Variants in TRPS1 observed in about 807,000 individuals in gnomAD.
The protein encoded by TRPS1 is zinc finger transcription factor Trps1.
A neutral mutation model predicts 101.2 loss-of-function variants in TRPS1; 6 were observed. That is an observed-to-expected ratio of 0.06 (90% CI 0.03 to 0.12). The LOEUF is 0.12. Ranked by LOEUF, TRPS1 falls within the 10% of genes least tolerant of loss-of-function variation. TRPS1 has a pLI of 1.00. For synonymous variants in TRPS1, 578 were observed against 589.8 expected (o/e 0.98, Z 0.29); for missense variants, 1,363 against 1,567.0 (o/e 0.87, Z 2.20).
At chr8:115,436,411 G>A (rs936844027) in intron 5 of TRPS1, among the ~76,000 whole-genome samples, 1 of 152,114 alleles carries the variant, frequency 6.6e-6, no homozygotes. Flanking sequence ...ACTTTCTTGA[G>A]AGGTCAAACC....
chr8:115,463,165 T>C (rs1401901514), intron 5 of TRPS1, among the ~76,000 whole-genome samples: 1 of 152,182 alleles, frequency 6.6e-6, no homozygotes, highest in Non-Finnish European at 1.5e-5. Context: ...TAGGTTCACT[T>C]AGAAGTATTC....
In TRPS1 at chr8:115,499,968, C is replaced by CT. The variant is rs72124622; in HGVS notation, c.2701-81517dup. On this transcript the variant is annotated intron_variant, in intron 5 of 6. Transcript: ENST00000395715. Reference sequence around the variant, plus strand: ...CTTTCTTTCTTTCTTTCTTTCTTTTCTTTTCTTTTCTTTTCTTTTCTTTTC... The same window carrying CT: ...CTTTCTTTCTTTCTTTCTTTCTTTTCTTTTTCTTTTCTTTTCTTTTCTTTTC... Among the ~76,000 whole-genome samples the CT allele has an allele frequency of 4.6e-4, 44 of 95,950 alleles. 1 individual carries two copies. The highest frequency in any genetic ancestry group is 1.9e-3 in the African/African-American group (43 of 23,050). The allele number at this position is 95,950 out of a possible 152,430, so 62.9% of individuals were successfully genotyped here.
At chr8:115,623,194 T>C (rs1354011135) in intron 2 of TRPS1, among the ~76,000 whole-genome samples, 1 of 152,010 alleles carries the variant, frequency 6.6e-6, no homozygotes, top group Non-Finnish European at 1.5e-5. Context: ...CCCTTAATAA[T>C]ATACATTGCA....
Position 115,578,173 on chromosome 8 carries a change from T to C in TRPS1, c.2700+8828A>G, listed in dbSNP as rs995144768. Among the ~76,000 whole-genome samples the C allele has an allele frequency of 2.0e-5, 3 of 152,216 alleles. No homozygotes were observed. In the South Asian group the frequency reaches 6.2e-4, roughly 31 times the overall value. ...ACTGTATTCCATATATGTGATAAAA[T>C]TGCCACTTGCTTTTCTCCTAATTTT... On this transcript the variant is annotated intron_variant, in intron 5 of 6. Coordinates refer to ENST00000395715, the MANE Select transcript of TRPS1 (RefSeq NM_014112.5).
At chr8:115,473,961 A>C (rs1204704998) in intron 5 of TRPS1, among the ~76,000 whole-genome samples, 1 of 152,200 alleles carries the variant, frequency 6.6e-6, no homozygotes, top group African/African-American at 2.4e-5. Flanking sequence ...CACTAGAATC[A>C]AGTCTTTCTT....
intron 5 of TRPS1, among the ~76,000 whole-genome samples, chr8:115,487,917 G>T (rs372682060): frequency 6.6e-6 from 1 of 152,184 alleles, no homozygotes; most frequent in African/African-American, 2.4e-5. Context: ...GTTTGAGAGG[G>T]TTGACTCCAA....
At chr8:115,626,944 C>G (rs1818521861) in intron 1 of TRPS1, among the ~76,000 whole-genome samples, 2 of 151,720 alleles carry the variant, frequency 1.3e-5, no homozygotes, top group African/African-American at 4.8e-5. Flanking sequence ...AATAAATGTC[C>G]TATTTGCCTA....
chr8:115,452,460 T>G (rs1305225758), intron 5 of TRPS1, among the ~76,000 whole-genome samples: 3 of 152,124 alleles, frequency 2.0e-5, no homozygotes, highest in African/African-American at 7.2e-5. Context: ...TTTACATTTC[T>G]GAGAAGGAAA....
chr8:115,590,350 T>A (rs1023503039), intron 4 of TRPS1, among the ~76,000 whole-genome samples: 3 of 152,174 alleles, frequency 2.0e-5, no homozygotes, highest in Non-Finnish European at 4.4e-5. Context: ...TATTTGTGGT[T>A]CCTTGACATG....
chr8:115,408,544 C>T lies in TRPS1; in HGVS notation c.*5479G>A, dbSNP rs552730781. On this transcript the variant is annotated 3_prime_UTR_variant, in exon 7 of 7. Coordinates refer to ENST00000395715, the MANE Select transcript of TRPS1 (RefSeq NM_014112.5). ...ATTATTCAAGTTTAGATGTAACAGA[C>T]ATCTTTGCTGCCTGAAGATTGTTTG... The T allele has an allele frequency of 5.3e-5, 8 of 150,352 alleles. No individual in the cohort carries two copies. Among genetic ancestry groups the T allele is most frequent in the African/African-American group, 2.0e-4 (8 of 40,962 alleles). The allele number at this position is 150,352 out of a possible 1,614,324, so 9.3% of individuals were successfully genotyped here. A position where few individuals can be genotyped will look rare whatever the true frequency, so the allele number is the denominator to read the frequency against.
rs370007078 is a variant in TRPS1 at position 115,604,670 on chromosome 8, G to C, written c.1299C>G (p.Leu433=). 326 of 1,613,800 alleles carry C rather than the reference G, an allele frequency of 2.0e-4. No individual in the cohort carries two copies. The highest frequency in any genetic ancestry group is 6.1e-5 in the Non-Finnish European group (72 of 1,179,972). ...CTGTACCATTTTGTCTAGAGGAATC[G>C]AGGGGCTTTATGGGCACTGAGTACC... ...PVGYSVPIKP[L]DSSRQNGTEA... Residue 433 remains leucine, a synonymous_variant, in exon 4 of 7, where the codon CTC becomes CTG. Transcript: ENST00000395715. The surrounding 1 kb of genome is among the most constrained non-coding windows in gnomAD (Gnocchi z 4.1).
At chr8:115,426,085 C>T (rs956339989) in intron 5 of TRPS1, among the ~76,000 whole-genome samples, 6 of 152,122 alleles carry the variant, frequency 3.9e-5, no homozygotes, top group Admixed American at 3.3e-4. Flanking sequence ...TCTATTTTTG[C>T]CATCCTGTAT....
chr8:115,419,095 A>C (rs1812991323), intron 5 of TRPS1, among the ~76,000 whole-genome samples: 1 of 152,208 alleles, frequency 6.6e-6, no homozygotes, highest in African/African-American at 2.4e-5. Flanking sequence ...TGCCCACTTA[A>C]GTTAGGCAAC....
chr8:115,629,716 C>T (rs1818596964), intron 1 of TRPS1, among the ~76,000 whole-genome samples: 1 of 151,804 alleles, frequency 6.6e-6, no homozygotes, highest in African/African-American at 2.4e-5. Flanking sequence ...TGCACTGAGC[C>T]ATCTTCAGTT....
intron 5 of TRPS1, among the ~76,000 whole-genome samples, chr8:115,499,935 CTTTCTTTCTTTCTTTCTTTCTTTCTTTCT>C (rs1282492727): frequency 3.2e-4 from 24 of 74,546 alleles, no homozygotes; most frequent in South Asian, 1.1e-3. Flanking sequence ...TTCTTTCTTT[CTTTCTTTCTTTCTTTCTTTCTTTCTTTCT>C]TTTCTTTTCT....
At chr8:115,556,493 T>C (rs1025830760) in intron 5 of TRPS1, among the ~76,000 whole-genome samples, 5 of 152,130 alleles carry the variant, frequency 3.3e-5, no homozygotes, top group African/African-American at 9.7e-5. Flanking sequence ...TTCAAAACCA[T>C]GGTCCTTTAT....
intron 5 of TRPS1, among the ~76,000 whole-genome samples, chr8:115,549,819 T>A (rs1816661968): frequency 6.6e-6 from 1 of 152,170 alleles, no homozygotes; most frequent in Non-Finnish European, 1.5e-5. Context: ...ACCACTACTA[T>A]GCAGCAATTG....
At chr8:115,424,465 C>T (rs559314081) in intron 5 of TRPS1, among the ~76,000 whole-genome samples, 33 of 152,162 alleles carry the variant, frequency 2.2e-4, no homozygotes, top group Non-Finnish European at 2.9e-4. Flanking sequence ...AGGGTCACAG[C>T]GTGAGACAAA....
In TRPS1 at chr8:115,411,530, T is replaced by C. The variant is rs1476907405; in HGVS notation, c.*2493A>G. The C allele has an allele frequency of 1.3e-5, 2 of 152,480 alleles. No homozygotes were observed. Among genetic ancestry groups the C allele is most frequent in the Admixed American group, 1.3e-4 (2 of 15,236 alleles). 9.4% of individuals were successfully genotyped at this position (152,480 alleles called of 1,614,324 possible). On this transcript the variant is annotated 3_prime_UTR_variant, in exon 7 of 7. Transcript: ENST00000395715. ...TTACTAAGAAAATTAAATATTGTTG[T>C]TTGGGGGAATCTCCTCTCTTTTTTA...
Sources: allele counts gnomAD v4.1 joint callset (sites outside exome capture counted in the v4.1 genomes callset), GRCh38; gene constraint gnomAD v4.1.1; non-coding constraint Gnocchi (gnomAD v3.1); transcripts MANE v1.5; gene names NCBI Gene and HGNC (gene_info 2026-07-23, HGNC 2026-07-21).